The following SLC8A1 variants were observed in gnomAD, a reference collection of about 807,000 sequenced individuals.
The protein encoded by SLC8A1 is solute carrier family 8 member A1.
Under a neutral mutation model 68.3 loss-of-function variants are expected in SLC8A1, and 18 were observed. The observed-to-expected ratio is 0.26, with a 90% confidence interval of 0.18 to 0.39. The LOEUF is 0.39. Ranked by LOEUF, SLC8A1 falls within the 10% of genes least tolerant of loss-of-function variation. The pLI, the probability that SLC8A1 is intolerant of heterozygous loss-of-function variation, is 1.00. For synonymous variants in SLC8A1, 475 were observed against 415.5 expected (o/e 1.14, Z -1.74); for missense variants, 985 against 1,156.7 (o/e 0.85, Z 2.15).
intron 2 of SLC8A1, among the ~76,000 whole-genome samples, chr2:40,290,330 T>C (rs1319710871): frequency 1.3e-5 from 2 of 152,200 alleles, no homozygotes; most frequent in Non-Finnish European, 2.9e-5. Flanking sequence ...TTCTGTATCT[T>C]CTAGTTGACC....
At chr2:40,415,588 A>C (rs1284621634) in intron 2 of SLC8A1, among the ~76,000 whole-genome samples, 2 of 152,156 alleles carry the variant, frequency 1.3e-5, no homozygotes, top group African/African-American at 4.8e-5. Flanking sequence ...CTGTATTACA[A>C]AAAAGGATAG....
intron 2 of SLC8A1, among the ~76,000 whole-genome samples, chr2:40,242,942 AGTTATT>A (rs2061403778): frequency 6.6e-6 from 1 of 150,892 alleles, no homozygotes; most frequent in Non-Finnish European, 1.5e-5. Flanking sequence ...TTTATTCCAT[AGTTATT>A]AAGATTATTT....
chr2:40,156,507 AGAGG>A (rs367570173), intron 6 of SLC8A1, among the ~76,000 whole-genome samples: 1,730 of 131,766 alleles, frequency 0.013, 34 homozygotes, highest in African/African-American at 0.044. Flanking sequence ...GGTAAAAGAA[AGAGG>A]GAGGAGTGTG....
At chr2:40,509,864 G>A (rs1047277960) in intron 1 of SLC8A1, among the ~76,000 whole-genome samples, 6 of 151,672 alleles carry the variant, frequency 4.0e-5, no homozygotes, top group Admixed American at 3.9e-4. Flanking sequence ...AGGCTGGAGT[G>A]CAGTGGCATG....
chr2:40,385,503 G>C lies in SLC8A1; in HGVS notation c.1808+42970C>G, dbSNP rs181282511. Among the ~76,000 whole-genome samples, 30 of 67,232 alleles carry C rather than the reference G, an allele frequency of 4.5e-4. No individual in the cohort carries two copies. The East Asian group carries it at 6.3e-3, about 14-fold the overall frequency. 44.1% of individuals were successfully genotyped at this position (67,232 alleles called of 152,430 possible). Reference sequence around the variant, plus strand: ...ACAGAAGTATAAATATAGGTGAGGAGATTTATAATAAACACGGGATAATGA... The same window carrying C: ...ACAGAAGTATAAATATAGGTGAGGACATTTATAATAAACACGGGATAATGA... On this transcript the variant is annotated intron_variant, in intron 2 of 7. Coordinates refer to ENST00000406785, the Ensembl canonical transcript of SLC8A1.
At chr2:40,118,619 T>TTTG (rs1553336920) in intron 7 of SLC8A1, 6 of 144,454 alleles carry the variant, frequency 4.2e-5, no homozygotes, top group African/African-American at 1.0e-4. Context: ...TTTTTTTTTT[T>TTTG]TTTTTTTTTT....
At chr2:40,379,629 C>G (rs1162199775) in intron 2 of SLC8A1, among the ~76,000 whole-genome samples, 1 of 151,188 alleles carries the variant, frequency 6.6e-6, no homozygotes, top group Non-Finnish European at 1.5e-5. Flanking sequence ...GTTTCCATAG[C>G]CTTCATGATT....
At chr2:40,208,954 G>GTAAT (rs1178622322) in intron 2 of SLC8A1, 2 of 151,940 alleles carry the variant, frequency 1.3e-5, no homozygotes, top group Admixed American at 6.6e-5. Flanking sequence ...CATTCATTTA[G>GTAAT]TAATTATTTA....
intron 5 of SLC8A1, among the ~76,000 whole-genome samples, chr2:40,161,143 G>C (rs1330887056): frequency 6.6e-6 from 1 of 152,124 alleles, no homozygotes; most frequent in Admixed American, 6.6e-5. Context: ...TGCTGCAAAA[G>C]CCCATCCATC....
chr2:40,417,870 T>TACACACACACACACAC (rs70957174), intron 2 of SLC8A1, among the ~76,000 whole-genome samples: 23,674 of 146,854 alleles, frequency 0.16, 2,113 homozygotes, highest in African/African-American at 0.22. Context: ...CTTGGATGGA[T>TACACACACACACACAC]ACACACACAC....
chr2:40,300,623 T>C (rs1410128681), intron 2 of SLC8A1, among the ~76,000 whole-genome samples: 2 of 152,136 alleles, frequency 1.3e-5, no homozygotes. Flanking sequence ...CTCAGACTCA[T>C]GCTCTGAGGC....
chr2:40,350,553 C>T (rs1670737312), intron 2 of SLC8A1, among the ~76,000 whole-genome samples: 4 of 105,976 alleles, frequency 3.8e-5, no homozygotes, highest in Admixed American at 1.4e-4. Flanking sequence ...AAAATAGCCC[C>T]AAGCAAGCAT....
chr2:40,333,783 C>T (rs1466139579), intron 2 of SLC8A1, among the ~76,000 whole-genome samples: 1 of 152,154 alleles, frequency 6.6e-6, no homozygotes, highest in East Asian at 1.9e-4. Flanking sequence ...GGCGCAGTAG[C>T]TCACGCCAGT....
At chr2:40,143,689 C>T (rs919841207) in intron 6 of SLC8A1, among the ~76,000 whole-genome samples, 2 of 152,156 alleles carry the variant, frequency 1.3e-5, no homozygotes, top group African/African-American at 4.8e-5. Context: ...GTACTTGGAC[C>T]GTTCCTGCTC....
intron 1 of SLC8A1, among the ~76,000 whole-genome samples, chr2:40,448,636 A>G (rs764514824): frequency 2.6e-5 from 4 of 152,212 alleles, no homozygotes; most frequent in Non-Finnish European, 5.9e-5. Context: ...GTCAGATAGG[A>G]TTCTGGAACC....
intron 2 of SLC8A1, among the ~76,000 whole-genome samples, chr2:40,248,998 A>G (rs2062308038): frequency 6.6e-6 from 1 of 152,200 alleles, no homozygotes; most frequent in Non-Finnish European, 1.5e-5. Context: ...AGGGACATTC[A>G]TTGAGAACAG....
intron 1 of SLC8A1, among the ~76,000 whole-genome samples, chr2:40,482,903 G>A (rs557115829): frequency 1.4e-5 from 2 of 146,694 alleles, no homozygotes; most frequent in South Asian, 2.1e-4. Flanking sequence ...CCATTCTCCC[G>A]CCTCAGCCTC....
chr2:40,453,131 C>T (rs1273646954), upstream of SLC8A1: 1 of 152,226 alleles, frequency 6.6e-6, no homozygotes, highest in Non-Finnish European at 1.5e-5. Flanking sequence ...AGTTCACTAG[C>T]TTCCAAACCT....
intron 1 of SLC8A1, among the ~76,000 whole-genome samples, chr2:40,471,717 A>C (rs2149903050): frequency 6.6e-6 from 1 of 152,360 alleles, no homozygotes; most frequent in Admixed American, 6.5e-5. Flanking sequence ...AGGAAATCTG[A>C]AATGATTAAT....
Sources: gnomAD v4.1 joint callset for allele counts (sites outside exome capture counted in the v4.1 genomes callset) on GRCh38, gnomAD v4.1.1 for gene constraint, MANE v1.5 for transcripts, NCBI Gene and HGNC (gene_info 2026-07-23, HGNC 2026-07-21) for gene names.